ZNF382: variants seen among roughly 807,000 people sequenced by gnomAD.
ZNF382 encodes zinc finger protein 382, also known as KRAB/zinc finger suppressor protein 1.
In ZNF382, 20 loss-of-function variants were observed where a neutral mutation model predicts 38.8. That is an observed-to-expected ratio of 0.51 (90% CI 0.36 to 0.75). The LOEUF (loss-of-function observed/expected upper bound fraction) is 0.75, where lower values mean the gene tolerates loss of function less well. Ranked by LOEUF, ZNF382 falls within the 30% of genes least tolerant of loss-of-function variation. The probability of loss-of-function intolerance (pLI) is 0.00; values close to 1 mark genes in which losing one functional copy is unlikely to be tolerated. For missense variants in ZNF382, 546 were observed against 654.1 expected, an observed-to-expected ratio of 0.83 and a Z score of 1.80; for synonymous variants, 202 against 223.1, an observed-to-expected ratio of 0.91 and a Z score of 0.84.
chr19:36,610,453 CAAAA>C, intron 3 of ZNF382, 193 bp from the exon 4 acceptor site: 2 of 305,466 alleles, frequency 6.5e-6, no homozygotes, highest in Non-Finnish European at 1.1e-5. Context: ...GAGACTGTCT[CAAAA>C]AAAAAAAAGA....
rs1568628635 is a variant in ZNF382, at chr19:36,614,919, C to CTTCCCTTTCCG, written c.232+4179_232+4180insCCCTTTCCGTT. Reference sequence around the variant, plus strand: ...CTTTCCTTTCCTTTCCTTTCCTTCCCTTTCCCTTTCCCTTTCCCTTTCCCT... The same window carrying CTTCCCTTTCCG: ...CTTTCCTTTCCTTTCCTTTCCTTCCCTTCCCTTTCCGTTTCCCTTTCCCTTTCCCTTTCCCT... On this transcript the variant is annotated intron_variant, in intron 4 of 4. Transcript: ENST00000292928. Among the ~76,000 whole-genome samples, 64 of 80,964 alleles carry CTTCCCTTTCCG rather than the reference C, an allele frequency of 7.9e-4. 2 individuals are homozygous for CTTCCCTTTCCG. Among genetic ancestry groups the CTTCCCTTTCCG allele is most frequent in the South Asian group, 1.5e-3 (4 of 2,604 alleles). The allele number at this position is 80,964 out of a possible 152,430, so 53.1% of individuals were successfully genotyped here.
intron 4 of ZNF382, among the ~76,000 whole-genome samples, chr19:36,624,998 A>C (rs1021859036): frequency 6.7e-6 from 1 of 149,244 alleles, no homozygotes; most frequent in African/African-American, 2.5e-5. Context: ...AATCCAGGAG[A>C]TCAAGGCTGC....
At chr19:36,618,233 G>A (rs2037140885) in intron 4 of ZNF382, among the ~76,000 whole-genome samples, 1 of 152,086 alleles carries the variant, frequency 6.6e-6, no homozygotes, top group Non-Finnish European at 1.5e-5. Flanking sequence ...TGCTTATATT[G>A]GGACCAAGGT....
intron 4 of ZNF382, among the ~76,000 whole-genome samples, chr19:36,623,813 G>A (rs1431715557): frequency 7.2e-6 from 1 of 138,134 alleles, no homozygotes; most frequent in Non-Finnish European, 1.5e-5. Flanking sequence ...AAAAGGGGCC[G>A]GGCGCAGTGG....
At chr19:36,618,081 CTTTTG>C (rs1183228704) in intron 4 of ZNF382, among the ~76,000 whole-genome samples, 4 of 152,026 alleles carry the variant, frequency 2.6e-5, no homozygotes, top group Non-Finnish European at 5.9e-5. Flanking sequence ...ATTTTTTGTT[CTTTTG>C]TTTTGTTTTG....
intron 4 of ZNF382, among the ~76,000 whole-genome samples, chr19:36,615,576 T>G (rs969061822): frequency 3.3e-5 from 5 of 152,212 alleles, no homozygotes; most frequent in Non-Finnish European, 5.9e-5. Context: ...CATGAAAATT[T>G]TATAATACAT....
intron 4 of ZNF382, among the ~76,000 whole-genome samples, chr19:36,623,204 T>C (rs138097221): frequency 6.6e-6 from 1 of 152,310 alleles, no homozygotes; most frequent in Non-Finnish European, 1.5e-5. Context: ...TTAGAAATCA[T>C]TTACTACTAA....
At chr19:36,624,331 T>C (rs969957526) in intron 4 of ZNF382, among the ~76,000 whole-genome samples, 1 of 152,252 alleles carries the variant, frequency 6.6e-6, no homozygotes, top group African/African-American at 2.4e-5. Flanking sequence ...TTGTTTCTTC[T>C]TGTTGCTGAG....
At chr19:36,618,081 CTTTT>C (rs2037139740) in intron 4 of ZNF382, among the ~76,000 whole-genome samples, 1 of 152,026 alleles carries the variant, frequency 6.6e-6, no homozygotes, top group Non-Finnish European at 1.5e-5. Context: ...ATTTTTTGTT[CTTTT>C]GTTTTGTTTT....
chr19:36,608,335 A>G (rs1211295272), intron 2 of ZNF382: 1 of 152,232 alleles, frequency 6.6e-6, no homozygotes, highest in African/African-American at 2.4e-5. Context: ...CTGCCAGTGA[A>G]AACCTTTCCA....
intron 3 of ZNF382, 39 bp downstream of exon 3, chr19:36,610,092 C>A: frequency 6.2e-7 from 1 of 1,602,652 alleles, no homozygotes; most frequent in Non-Finnish European, 8.5e-7. Context: ...TCATGCATCT[C>A]CTTCTAAGAA....
chr19:36,622,906 A>G (rs2037180792), intron 4 of ZNF382, among the ~76,000 whole-genome samples: 1 of 152,186 alleles, frequency 6.6e-6, no homozygotes, highest in Non-Finnish European at 1.5e-5. Context: ...TCCATGAAAT[A>G]CCTTGACTAC....
intron 4 of ZNF382, among the ~76,000 whole-genome samples, chr19:36,611,236 G>A (rs559862762): frequency 1.1e-4 from 17 of 152,194 alleles, no homozygotes; most frequent in Non-Finnish European, 2.2e-4. Flanking sequence ...GTTGCAGTGA[G>A]CCAAGATCAC....
At chr19:36,615,988 G>A (rs980374415) in intron 4 of ZNF382, among the ~76,000 whole-genome samples, 1 of 152,130 alleles carries the variant, frequency 6.6e-6, no homozygotes, top group Non-Finnish European at 1.5e-5. Flanking sequence ...AGGCCTTTGG[G>A]TTAGTTCCTA....
At chr19:36,606,773 G>A (rs942174325) in intron 1 of ZNF382, among the ~76,000 whole-genome samples, 3 of 152,044 alleles carry the variant, frequency 2.0e-5, no homozygotes, top group Non-Finnish European at 4.4e-5. Context: ...TCTCACTGTA[G>A]TAATTAAAAT....
At chr19:36,626,038 A>T in intron 4 of ZNF382, 92 bp from the exon 5 acceptor site, 1 of 823,884 alleles carries the variant, frequency 1.2e-6, no homozygotes, top group Non-Finnish European at 1.7e-6. Flanking sequence ...AGATCACGGT[A>T]GTGAGATAGT....
chr19:36,615,858 G>A (rs184210628), intron 4 of ZNF382, among the ~76,000 whole-genome samples: 1 of 151,940 alleles, frequency 6.6e-6, no homozygotes, highest in East Asian at 1.9e-4. Flanking sequence ...TAACTTATTT[G>A]ACTAGTAAAG....
intron 4 of ZNF382, among the ~76,000 whole-genome samples, chr19:36,612,536 T>A (rs2037086269): frequency 6.6e-6 from 1 of 152,252 alleles, no homozygotes; most frequent in Admixed American, 6.5e-5. Context: ...CCATTTTGGT[T>A]TGGTAGTTTA....
intron 1 of ZNF382, among the ~76,000 whole-genome samples, 193 bp from the exon 2 acceptor site, chr19:36,607,359 G>T (rs2037042675): frequency 6.6e-6 from 1 of 152,076 alleles, no homozygotes; most frequent in South Asian, 2.1e-4. Context: ...CAAGAGACTG[G>T]GTTTCTGGTG....
Sources: allele counts gnomAD v4.1 joint callset (sites outside exome capture counted in the v4.1 genomes callset), GRCh38; gene constraint gnomAD v4.1.1; transcripts MANE v1.5; gene names NCBI Gene and HGNC (gene_info 2026-07-23, HGNC 2026-07-21).